KREMEN1: variants seen among roughly 807,000 people sequenced by gnomAD.
The protein encoded by KREMEN1 is kringle containing transmembrane protein 1, also known as kremen protein 1.
In KREMEN1, 30 loss-of-function variants were observed where a neutral mutation model predicts 46.5. The ratio of observed to expected loss-of-function variants is 0.65; its 90% confidence interval spans 0.48 to 0.88. The LOEUF is 0.88. Ranked by LOEUF, KREMEN1 falls within the 40% of genes least tolerant of loss-of-function variation. The probability of loss-of-function intolerance (pLI) is 0.00; values close to 1 mark genes in which losing one functional copy is unlikely to be tolerated. For missense variants in KREMEN1, 533 were observed against 596.9 expected, an observed-to-expected ratio of 0.89 and a Z score of 1.11; for synonymous variants, 214 against 230.6, an observed-to-expected ratio of 0.93 and a Z score of 0.65.
At chr22:29,127,155 C>T (rs1158715051) in intron 5 of KREMEN1, among the ~76,000 whole-genome samples, 4 of 152,092 alleles carry the variant, frequency 2.6e-5, no homozygotes, top group African/African-American at 4.8e-5. Context: ...TTATCACATT[C>T]GGTTCTCTTG....
chr22:29,094,237 T>G, intron 1 of KREMEN1, 21 bp from the exon 2 acceptor site: 1 of 1,587,324 alleles, frequency 6.3e-7, no homozygotes, highest in Non-Finnish European at 8.6e-7. Flanking sequence ...ATTAGTTTGC[T>G]CTGTCTTTTT....
intron 8 of KREMEN1, among the ~76,000 whole-genome samples, chr22:29,140,792 AAC>A (rs2038749153): frequency 6.6e-6 from 1 of 152,228 alleles, no homozygotes; most frequent in Admixed American, 6.5e-5. Flanking sequence ...GTTATTTTAA[AAC>A]AGTTATTGAA....
At chr22:29,114,797 T>G (rs1230860637) in intron 3 of KREMEN1, among the ~76,000 whole-genome samples, 1 of 152,212 alleles carries the variant, frequency 6.6e-6, no homozygotes, top group African/African-American at 2.4e-5. Context: ...TTTTGAAGTA[T>G]ATTTGATGAC....
At chr22:29,082,985 A>G (rs2037678672) in intron 1 of KREMEN1, among the ~76,000 whole-genome samples, 2 of 152,172 alleles carry the variant, frequency 1.3e-5, no homozygotes, top group South Asian at 4.1e-4. Context: ...TCACCCAGGC[A>G]TGATTACAGC....
At chr22:29,080,216 C>T (rs1326031738) in intron 1 of KREMEN1, among the ~76,000 whole-genome samples, 2 of 152,208 alleles carry the variant, frequency 1.3e-5, no homozygotes, top group South Asian at 2.1e-4. Flanking sequence ...TTCCCTCCCT[C>T]CATGTTTTGC....
rs1208422135 is a variant in KREMEN1 at position 29,144,457 on chromosome 22, G to C, written c.*2345G>C. Reference sequence around the variant, plus strand: ...GGAGGCCTGCTGAGGGCACAGAGCTGCTCGGTGCAGCCTTCATGCTTTGAT... The same window carrying C: ...GGAGGCCTGCTGAGGGCACAGAGCTCCTCGGTGCAGCCTTCATGCTTTGAT... On this transcript the variant is annotated 3_prime_UTR_variant, in exon 9 of 9. Transcript: ENST00000400335. 1.0e-6 allele frequency: 1 copy of C among 985,482 alleles called. No individual in the cohort carries two copies. The allele number at this position is 985,482 out of a possible 1,614,324, so 61.0% of individuals were successfully genotyped here. A position where few individuals can be genotyped will look rare whatever the true frequency, so the allele number is the denominator to read the frequency against.
intron 5 of KREMEN1, among the ~76,000 whole-genome samples, chr22:29,133,805 C>CT (rs908655364): frequency 6.6e-6 from 1 of 152,016 alleles, no homozygotes; most frequent in African/African-American, 2.4e-5. Context: ...CTGTTCCATT[C>CT]TTTTTTTCTT....
At chr22:29,150,160 T>C (rs934419502), downstream of KREMEN1, among the ~76,000 whole-genome samples, 1 of 152,126 alleles carries the variant, frequency 6.6e-6, no homozygotes, top group African/African-American at 2.4e-5. Flanking sequence ...TCATTTCTGG[T>C]CTCCAGCTGT....
chr22:29,163,470 C>T (rs62236945), intron 9 of KREMEN1, among the ~76,000 whole-genome samples: 3 of 152,058 alleles, frequency 2.0e-5, no homozygotes, highest in Non-Finnish European at 4.4e-5. Context: ...ATCCGCCTCC[C>T]GGGTTCAAAC....
At chr22:29,138,873 T>A (rs755599273) in intron 7 of KREMEN1, 91 bp downstream of exon 7, 1 of 1,583,130 alleles carries the variant, frequency 6.3e-7, no homozygotes, top group South Asian at 1.1e-5. Flanking sequence ...AGCACTTGGG[T>A]GTTTCTTATT....
At chr22:29,101,348 A>G (rs2037973925) in intron 3 of KREMEN1, among the ~76,000 whole-genome samples, 1 of 152,182 alleles carries the variant, frequency 6.6e-6, no homozygotes, top group Non-Finnish European at 1.5e-5. Flanking sequence ...GTTATTATGA[A>G]ATAGTCAAAA....
downstream of KREMEN1, among the ~76,000 whole-genome samples, chr22:29,150,578 G>A (rs539171274): frequency 5.3e-5 from 8 of 152,294 alleles, no homozygotes; most frequent in African/African-American, 1.9e-4. Flanking sequence ...ACTTCACTGA[G>A]GGTCGTGCTT....
At chr22:29,110,983 G>T (rs1052019053) in intron 3 of KREMEN1, among the ~76,000 whole-genome samples, 2 of 152,168 alleles carry the variant, frequency 1.3e-5, no homozygotes, top group Non-Finnish European at 2.9e-5. Flanking sequence ...CAGCTACTGA[G>T]GCACCAGTGT....
At chr22:29,093,448 C>T (rs912604583) in intron 1 of KREMEN1, among the ~76,000 whole-genome samples, 1 of 152,166 alleles carries the variant, frequency 6.6e-6, no homozygotes, top group Non-Finnish European at 1.5e-5. Flanking sequence ...TTAATGCATG[C>T]AATATGTGGG....
intron 2 of KREMEN1, among the ~76,000 whole-genome samples, chr22:29,096,287 G>C (rs2037881736): frequency 6.6e-6 from 1 of 152,118 alleles, no homozygotes; most frequent in South Asian, 2.1e-4. Flanking sequence ...TTGGTAGTAG[G>C]CTGTTGGTTT....
chr22:29,143,988 G>A lies in KREMEN1; in HGVS notation c.*1876G>A, dbSNP rs2038813391. The A allele has an allele frequency of 1.0e-6, 1 of 985,462 alleles. No individual in the cohort carries two copies. Among genetic ancestry groups the A allele is most frequent in the Non-Finnish European group, 1.2e-6 (1 of 829,948 alleles). 61.0% of individuals were successfully genotyped at this position (985,462 alleles called of 1,614,324 possible). A position where few individuals can be genotyped will look rare whatever the true frequency, so the allele number is the denominator to read the frequency against. On this transcript the variant is annotated 3_prime_UTR_variant, in exon 9 of 9. Transcript: ENST00000400335. ...CTGCAGCTGTAGTGGCTGCTGGTTG[G>A]GAGAGTAAGTGCCATCACTAATTTA...
At chr22:29,160,726 A>G (rs1384048106) in intron 9 of KREMEN1, among the ~76,000 whole-genome samples, 1 of 152,206 alleles carries the variant, frequency 6.6e-6, no homozygotes, top group African/African-American at 2.4e-5. Flanking sequence ...GATGCAGCAA[A>G]AGCAGTGTTA....
rs539944303 is a variant in KREMEN1, at chr22:29,133,002, A to C, written c.632-4340A>C. 7.2e-5 allele frequency among the ~76,000 whole-genome samples: 11 copies of C among 152,226 alleles called. No homozygotes were observed. The South Asian group carries it at 2.1e-3, about 29-fold the overall frequency. ...GGTGGCTCATGCCTGTAATCCCAGC[A>C]CTTTGGGAGGCCGAGGCGGGTGGAT... On this transcript the variant is annotated intron_variant, in intron 5 of 8. Transcript: ENST00000400335.
At chr22:29,118,965 G>A (rs893436695) in intron 3 of KREMEN1, among the ~76,000 whole-genome samples, 2 of 152,122 alleles carry the variant, frequency 1.3e-5, no homozygotes, top group East Asian at 3.9e-4. Flanking sequence ...CTACAAATTG[G>A]GGTTTCCCAC....
Sources: allele counts gnomAD v4.1 joint callset (sites outside exome capture counted in the v4.1 genomes callset), GRCh38; gene constraint gnomAD v4.1.1; transcripts MANE v1.5; gene names NCBI Gene and HGNC (gene_info 2026-07-23, HGNC 2026-07-21).